DOCK1: variants seen among roughly 807,000 people sequenced by gnomAD.
DOCK1 encodes dedicator of cytokinesis protein 1.
Under a neutral mutation model 262.7 loss-of-function variants are expected in DOCK1, and 138 were observed. That is an observed-to-expected ratio of 0.53 (90% CI 0.46 to 0.61). The LOEUF is 0.61. DOCK1 is among the 20% of genes least tolerant of loss of function. The pLI is 0.00. For synonymous variants in DOCK1, 866 were observed against 867.4 expected, an observed-to-expected ratio of 1.00 and a Z score of 0.03; for missense variants, 1,908 against 2,370.7, an observed-to-expected ratio of 0.80 and a Z score of 4.05.
At chr10:127,144,012 C>G (rs1353178713) in intron 27 of DOCK1, among the ~76,000 whole-genome samples, 1 of 152,144 alleles carries the variant, frequency 6.6e-6, no homozygotes, top group East Asian at 1.9e-4. Context: ...GCTCAACTTG[C>G]TCCTCCTGCC....
chr10:126,999,618 G>A (rs2040442631), intron 9 of DOCK1, among the ~76,000 whole-genome samples, 183 bp downstream of exon 9: 1 of 152,166 alleles, frequency 6.6e-6, no homozygotes, highest in African/African-American at 2.4e-5. Context: ...GCCACCCTTA[G>A]AATCACCGTG....
rs1188908215 is a variant in DOCK1, at chr10:127,061,763, C to G, written c.2432C>G (p.Thr811Ser). The G allele has an allele frequency of 5.0e-6, 8 of 1,586,994 alleles. No individual in the cohort carries two copies. Among genetic ancestry groups the G allele is most frequent in the Middle Eastern group, 1.7e-4 (1 of 6,028 alleles). ...NDMMSSMSDQ[T>S]VRVKGAALKY... ...ATGATGAGCAGCATGTCAGACCAGACCGTCCGGGTGAAGGTGAGTGCCGGC... is the reference window on the plus strand; with the variant it reads ...ATGATGAGCAGCATGTCAGACCAGAGCGTCCGGGTGAAGGTGAGTGCCGGC... The change falls in exon 23 of 52, where the codon ACC (threonine) becomes AGC (serine). Residue 811 changes from threonine (T) to serine (S), a missense_variant. Around this residue, in one of 9 missense-constraint regions of DOCK1, gnomAD observed 518 missense variants for 575.1 expected, o/e 0.90. Transcript: ENST00000623213.
chr10:127,317,312 C>T (rs1227667510), intron 29 of DOCK1, among the ~76,000 whole-genome samples: 2 of 152,206 alleles, frequency 1.3e-5, no homozygotes, highest in Admixed American at 6.5e-5. Context: ...TTCACTACAA[C>T]ATTTTACCAA....
At chr10:127,225,161 T>C (rs1420652839) in intron 27 of DOCK1, among the ~76,000 whole-genome samples, 4 of 152,358 alleles carry the variant, frequency 2.6e-5, no homozygotes, top group African/African-American at 9.6e-5. Context: ...AAGTAATTTA[T>C]GAGAAGGACA....
In DOCK1 at chr10:127,067,859, G is replaced by A. The variant is rs148334555; in HGVS notation, c.2445+6083G>A. 5.5e-3 allele frequency among the ~76,000 whole-genome samples: 827 copies of A among 151,560 alleles called. 6 individuals carry two copies. The highest frequency in any genetic ancestry group is 0.019 in the African/African-American group (788 of 41,256). ...TCGTGTAGAGCCCCAGGCCCCTGAC[G>A]CTCAGGCAACTTTCCTGACCAGCAT... On this transcript the variant is annotated intron_variant, in intron 23 of 51. Coordinates refer to ENST00000623213, the MANE Select transcript of DOCK1 (RefSeq NM_001290223.2).
intron 29 of DOCK1, among the ~76,000 whole-genome samples, chr10:127,328,594 G>A (rs2062841934): frequency 6.6e-6 from 1 of 152,050 alleles, no homozygotes; most frequent in South Asian, 2.1e-4. Flanking sequence ...AGGACGGCAG[G>A]GACGCCAGGG....
Position 126,954,267 on chromosome 10 carries a change from G to A in DOCK1, c.47-16435G>A, listed in dbSNP as rs1167512365. On this transcript the variant is annotated intron_variant, in intron 1 of 51. Transcript: ENST00000623213. Reference sequence around the variant, plus strand: ...TGGAGAGGCCTGCCCTTGCAGATGAGGCAGCTGAGTCCTGGAAAGAGAGGC... The same window carrying A: ...TGGAGAGGCCTGCCCTTGCAGATGAAGCAGCTGAGTCCTGGAAAGAGAGGC... Among the ~76,000 whole-genome samples, 31 of 152,366 alleles carry A rather than the reference G, an allele frequency of 2.0e-4. No homozygotes were observed. The East Asian group carries it at 6.0e-3, about 29-fold the overall frequency.
chr10:126,942,385 G>T (rs2035082189), intron 1 of DOCK1, among the ~76,000 whole-genome samples: 1 of 152,192 alleles, frequency 6.6e-6, no homozygotes, highest in Non-Finnish European at 1.5e-5. Flanking sequence ...GAGGAGATGG[G>T]TTCATTCCTT....
At chr10:127,265,763 C>G (rs1054913056) in intron 29 of DOCK1, among the ~76,000 whole-genome samples, 49 of 152,320 alleles carry the variant, frequency 3.2e-4, no homozygotes, top group African/African-American at 1.1e-3. Flanking sequence ...GTATCAGAGT[C>G]CAGGATGGCA....
At chr10:126,960,354 C>T (rs980150964) in intron 1 of DOCK1, among the ~76,000 whole-genome samples, 32 of 151,792 alleles carry the variant, frequency 2.1e-4, no homozygotes, top group Non-Finnish European at 1.0e-4. Flanking sequence ...GAGGGGTCCT[C>T]AGTGGTGGCT....
At chr10:127,218,213 CA>C (rs2058293301) in intron 27 of DOCK1, among the ~76,000 whole-genome samples, 1 of 152,174 alleles carries the variant, frequency 6.6e-6, no homozygotes, top group South Asian at 2.1e-4. Flanking sequence ...ACCTAATATG[CA>C]GTAGTATACA....
At chr10:127,002,497 T>C (rs930392942) in intron 10 of DOCK1, among the ~76,000 whole-genome samples, 1 of 152,246 alleles carries the variant, frequency 6.6e-6, no homozygotes. Context: ...GTGATGGGCA[T>C]GGGCTCAGCT....
intron 50 of DOCK1, among the ~76,000 whole-genome samples, chr10:127,445,257 C>T (rs1036399287): frequency 7.9e-5 from 12 of 152,140 alleles, no homozygotes; most frequent in African/African-American, 2.7e-4. Flanking sequence ...ACTCTCCTTC[C>T]TGTGGCACAG....
At chr10:126,907,828 C>T (rs1038803912) in intron 1 of DOCK1, among the ~76,000 whole-genome samples, 1 of 151,940 alleles carries the variant, frequency 6.6e-6, no homozygotes, top group African/African-American at 2.4e-5. Flanking sequence ...TAACATCACA[C>T]CTCTTGCTAA....
intron 27 of DOCK1, among the ~76,000 whole-genome samples, chr10:127,226,823 T>C (rs756538193): frequency 6.6e-6 from 1 of 152,058 alleles, no homozygotes; most frequent in Non-Finnish European, 1.5e-5. Context: ...GATTACACAA[T>C]ACTTCTACCT....
chr10:127,228,354 G>A (rs887850486), intron 27 of DOCK1, among the ~76,000 whole-genome samples: 4 of 152,286 alleles, frequency 2.6e-5, no homozygotes, highest in Admixed American at 6.5e-5. Flanking sequence ...TGCCCGGCCC[G>A]GAGGTGGCTG....
intron 42 of DOCK1, among the ~76,000 whole-genome samples, chr10:127,410,425 C>T (rs1464960010): frequency 6.6e-6 from 1 of 152,180 alleles, no homozygotes; most frequent in Non-Finnish European, 1.5e-5. Context: ...AGGCAGGTTA[C>T]TTATGTTTCC....
intron 18 of DOCK1, among the ~76,000 whole-genome samples, chr10:127,036,947 A>G (rs902459961): frequency 6.8e-6 from 1 of 147,450 alleles, no homozygotes; most frequent in African/African-American, 2.5e-5. Flanking sequence ...ATTGCACTCC[A>G]GCCTGGGCAG....
intron 38 of DOCK1, chr10:127,402,760 C>A (rs2067296971): frequency 1.8e-6 from 1 of 568,046 alleles, no homozygotes; most frequent in Admixed American, 1.9e-5. Flanking sequence ...CAGCTGGCAG[C>A]AGGAGAGCAA....
Sources: allele counts gnomAD v4.1 joint callset (sites outside exome capture counted in the v4.1 genomes callset), GRCh38; gene constraint gnomAD v4.1.1; regional missense constraint gnomAD v4.1.1; transcripts MANE v1.5; gene names NCBI Gene and HGNC (gene_info 2026-07-23, HGNC 2026-07-21).